SLC35F5: variants seen among roughly 807,000 people sequenced by gnomAD.
SLC35F5 encodes the protein HCV NS5A-transactivated protein 3.
A neutral mutation model predicts 68.6 loss-of-function variants in SLC35F5; 54 were observed. The observed-to-expected ratio is 0.79, with a 90% CI of 0.63 to 0.99. The LOEUF (loss-of-function observed/expected upper bound fraction) is 0.99, where lower values mean the gene tolerates loss of function less well. SLC35F5 is among the 50% of genes least tolerant of loss of function. The pLI is 0.00. For missense variants in SLC35F5, 567 were observed against 626.9 expected (o/e 0.90, Z 1.02); for synonymous variants, 211 against 205.2 (o/e 1.03, Z -0.24).
chr2:113,755,549 AAAC>A lies in SLC35F5; in HGVS notation c.41-8_41-6del. 6.2e-7 allele frequency: 1 copy of A among 1,612,280 alleles called. No individual in the cohort carries two copies. The highest frequency in any genetic ancestry group is 8.5e-7 in the Non-Finnish European group (1 of 1,178,722). ...GAGGTGAAGAACTCAGCACCCCTAA[AAAC>A]AACCATGAAATTATGCTATGAAAAC... On this transcript the variant is annotated splice_polypyrimidine_tract_variant and splice_region_variant and intron_variant, in intron 1 of 15. Coordinates refer to ENST00000245680, the MANE Select transcript of SLC35F5 (RefSeq NM_025181.5).
Position 113,742,766 on chromosome 2 carries a change from C to G in SLC35F5, c.676G>C (p.Glu226Gln). 1 of 1,614,084 alleles carries G rather than the reference C, an allele frequency of 6.2e-7. No homozygotes were observed. The highest frequency in any genetic ancestry group is 8.5e-7 in the Non-Finnish European group (1 of 1,179,996). ...SRMSYPVKEQ[E>Q]SILKTVGKLT... is the part of the protein sequence containing the mutation. ...TTCCCCACAGTTTTCAGTATGGATT[C>G]TTGTTCTTTCACAGGATATGACATG... Residue 226 changes from glutamate to glutamine, a missense_variant, in exon 7 of 16, where the codon GAA becomes CAA. Glu to Gln is a conservative substitution (Grantham distance 29). Coordinates refer to ENST00000245680, the MANE Select transcript of SLC35F5 (RefSeq NM_025181.5).
At position 113,742,753 on chromosome 2, in the gene SLC35F5, T is replaced by C; in HGVS notation, c.689A>G (p.Lys230Arg). The C allele has an allele frequency of 6.2e-7, 1 of 1,614,134 alleles. No homozygotes were observed. The highest frequency in any genetic ancestry group is 1.1e-5 in the South Asian group (1 of 91,078). The stretch of plus-strand genomic sequence containing the variant: ...AGTTGCAGTAAGTTTCCCCACAGTT[T>C]TCAGTATGGATTCTTGTTCTTTCAC... ...YPVKEQESIL[K>R]TVGKLTATQV... The change falls in exon 7 of 16, where the codon AAA becomes AGA. Residue 230 changes from lysine to arginine, a missense_variant. Coordinates refer to ENST00000245680, the MANE Select transcript of SLC35F5 (RefSeq NM_025181.5).
chr2:113,756,042 C>T lies in SLC35F5; in HGVS notation c.40+328G>A, dbSNP rs1676972025. On this transcript the variant is annotated intron_variant, in intron 1 of 15. Transcript: ENST00000245680. The stretch of plus-strand genomic sequence containing the variant: ...GAAAAGGATTCTCCATGCTCCTCCA[C>T]CCACCTCTATCAAAACATCCAGTCA... 4.8e-6 allele frequency: 7 copies of T among 1,472,202 alleles called. No homozygotes were observed. In the South Asian group the frequency reaches 8.5e-5, roughly 18 times the overall value. The allele number at this position is 1,472,202 out of a possible 1,614,324, so 91.2% of individuals were successfully genotyped here.
At chr2:113,717,539 C>T in intron 15 of SLC35F5, 1 of 369,024 alleles carries the variant, frequency 2.7e-6, no homozygotes, top group Non-Finnish European at 4.9e-6. Context: ...AATCCCATTT[C>T]ACAAATAAGA....
Position 113,755,620 on chromosome 2 carries a change from TTCA to T in SLC35F5, c.41-79_41-77del, listed in dbSNP as rs1676948646. The T allele has an allele frequency of 8.8e-6, 12 of 1,358,248 alleles. No homozygotes were observed. The South Asian group carries it at 1.3e-4, about 15-fold the overall frequency. The allele number at this position is 1,358,248 out of a possible 1,614,324, so 84.1% of individuals were successfully genotyped here. A position where few individuals can be genotyped will look rare whatever the true frequency, so the allele number is the denominator to read the frequency against. ...AGATTCATCACATCGTTTTTTACTC[TTCA>T]TCTTCAAACTCAAAGCAAATCAATG... On this transcript the variant is annotated intron_variant, in intron 1 of 15. Transcript: ENST00000245680.
chr2:113,704,863 G>C (rs532248847), downstream of SLC35F5: 1 of 153,036 alleles, frequency 6.5e-6, no homozygotes, highest in East Asian at 1.9e-4. Context: ...ACAGTGCAGC[G>C]GCGGGCTGAA....
chr2:113,712,605 A>G lies in SLC35F5; in HGVS notation c.*2613T>C, dbSNP rs780339994. 4.6e-5 allele frequency among the ~76,000 whole-genome samples: 7 copies of G among 152,170 alleles called. No individual in the cohort carries two copies. Among genetic ancestry groups the G allele is most frequent in the Non-Finnish European group, 7.4e-5 (5 of 68,016 alleles). ...GCTGGGACTACAGGCGTGAGCCACC[A>G]CGCCCGGCCCAAAAGCATTTACTGT... On this transcript the variant is annotated 3_prime_UTR_variant, in exon 16 of 16. Coordinates refer to ENST00000245680, the MANE Select transcript of SLC35F5 (RefSeq NM_025181.5).
At chr2:113,706,514 G>C, downstream of SLC35F5, among the ~76,000 whole-genome samples, 1 of 152,186 alleles carries the variant, frequency 6.6e-6, no homozygotes, top group Non-Finnish European at 1.5e-5. Context: ...TCATGAGATG[G>C]AATGTAGGTC....
At position 113,715,082 on chromosome 2, in the gene SLC35F5, T is replaced by C. The variant is rs550288185; in HGVS notation, c.*136A>G. 25 of 152,654 alleles carry C rather than the reference T, an allele frequency of 1.6e-4. No individual in the cohort carries two copies. Among genetic ancestry groups the C allele is most frequent in the African/African-American group, 5.8e-4 (24 of 41,568 alleles). The allele number at this position is 152,654 out of a possible 1,614,324, so 9.5% of individuals were successfully genotyped here. On this transcript the variant is annotated 3_prime_UTR_variant, in exon 16 of 16. Transcript: ENST00000245680. ...GAAGAAAACAGGTATGAGAAAAATATATTTTAGAGTTTCAAAGAACTCAAA... is the reference window on the plus strand; with the variant it reads ...GAAGAAAACAGGTATGAGAAAAATACATTTTAGAGTTTCAAAGAACTCAAA...
At chr2:113,704,782 C>T (rs1686766767), downstream of SLC35F5, among the ~76,000 whole-genome samples, 1 of 152,110 alleles carries the variant, frequency 6.6e-6, no homozygotes, top group Non-Finnish European at 1.5e-5. Flanking sequence ...CCGCCCTCGC[C>T]TCTCCCTCCA....
Position 113,725,396 on chromosome 2 carries a change from G to A in SLC35F5, c.1232C>T (p.Ser411Leu). 6.2e-7 allele frequency: 1 copy of A among 1,602,982 alleles called. No individual in the cohort carries two copies. Among genetic ancestry groups the A allele is most frequent in the South Asian group, 1.1e-5 (1 of 88,124 alleles). ...IINGLIGTVL[S>L]EFLWLWGCFL... ...TACATACCACAACCACAGGAACTCT[G>A]AGAGTACTGTTCCAATAAGGCCATT... Residue 411 changes from serine (S) to leucine (L), a missense_variant, in exon 12 of 16, where the codon TCA (serine) becomes TTA (leucine). Ser to Leu is a moderately radical substitution (Grantham distance 145). Coordinates refer to ENST00000245680, the MANE Select transcript of SLC35F5 (RefSeq NM_025181.5).
intron 12 of SLC35F5, 80 bp from the exon 13 acceptor site, chr2:113,723,274 T>C (rs1327921515): frequency 1.1e-6 from 1 of 944,336 alleles, no homozygotes; most frequent in Non-Finnish European, 1.5e-6. Context: ...TTCTATCCTA[T>C]AATATAGGCC....
rs1268559866 is a variant in SLC35F5 at position 113,738,529 on chromosome 2, G to A, written c.751-2671C>T. ...GACACTCAGGTTGTTCCCGTATCTT[G>A]TCTATGATGAACACTGTAAAATAAA... On this transcript the variant is annotated intron_variant, in intron 7 of 15. Transcript: ENST00000245680. Among the ~76,000 whole-genome samples the A allele has an allele frequency of 2.0e-5, 3 of 152,062 alleles. No homozygotes were observed. In the East Asian group the frequency reaches 5.8e-4, roughly 29 times the overall value.
At position 113,742,693 on chromosome 2, in the gene SLC35F5, A is replaced by G. The variant is rs1166961167; in HGVS notation, c.749T>C (p.Val250Ala). 6.2e-7 allele frequency: 1 copy of G among 1,613,854 alleles called. No homozygotes were observed. Among genetic ancestry groups the G allele is most frequent in the East Asian group, 2.2e-5 (1 of 44,868 alleles). Residue 250 changes from valine (V) to alanine (A), a missense_variant and splice_region_variant, in exon 7 of 16, where the codon GTG becomes GCG. By Grantham distance (64) the Val-to-Ala change is moderately conservative. Transcript: ENST00000245680. ...GCAAACATATCATAAAAGACCTACC[A>G]CAAAGCAAAAAAAAAAGCTAATTTT... ...VAKISFFFCF[V>A]WFLANLSYQE...
At chr2:113,720,313 C>A in intron 13 of SLC35F5, among the ~76,000 whole-genome samples, 2 of 135,450 alleles carry the variant, frequency 1.5e-5, no homozygotes, top group African/African-American at 2.7e-5. Context: ...CTGTGTTTGC[C>A]CTCTTTGAGA....
chr2:113,736,478 G>A (rs541210024), intron 7 of SLC35F5, among the ~76,000 whole-genome samples: 2 of 151,834 alleles, frequency 1.3e-5, no homozygotes, highest in Non-Finnish European at 2.9e-5. Flanking sequence ...AAGTACTGCT[G>A]ACACTCTGTT....
chr2:113,715,733 G>A (rs9753198), intron 15 of SLC35F5, among the ~76,000 whole-genome samples: 35,311 of 151,422 alleles, frequency 0.23, 4,458 homozygotes, highest in Middle Eastern at 0.49. Context: ...ACATTTTTTC[G>A]TTCAGTGTTG....
At position 113,717,810 on chromosome 2, in the gene SLC35F5, T is replaced by C. The variant is rs764461296; in HGVS notation, c.1537A>G (p.Met513Val). 3.7e-6 allele frequency: 6 copies of C among 1,613,258 alleles called. No homozygotes were observed. The highest frequency in any genetic ancestry group is 1.7e-6 in the Non-Finnish European group (2 of 1,179,686). ...CCATCCTCCTGAGAAACACTGTGCA[T>C]AGAAATGAGACTCTCACACTGTTCG... ...DSEQCESLIS[M>V]HSVSQEDGAS The change falls in exon 15 of 16, where the codon ATG (methionine) becomes GTG (valine). Residue 513 changes from methionine (M) to valine (V), a missense_variant. Met to Val is a conservative substitution (Grantham distance 21). Transcript: ENST00000245680.
chr2:113,722,211 G>A (rs1056213046), intron 13 of SLC35F5, among the ~76,000 whole-genome samples: 1 of 152,134 alleles, frequency 6.6e-6, no homozygotes, highest in African/African-American at 2.4e-5. Context: ...CTAACCTCAA[G>A]TGATCTGCCT....
Sources: gnomAD v4.1 joint callset for allele counts (sites outside exome capture counted in the v4.1 genomes callset) on GRCh38, gnomAD v4.1.1 for gene constraint, MANE v1.5 for transcripts, NCBI Gene and HGNC (gene_info 2026-07-23, HGNC 2026-07-21) for gene names.